The following IQCH variants were observed in gnomAD, a reference collection of about 807,000 sequenced individuals.
IQCH encodes the protein IQ motif containing H.
A neutral mutation model predicts 117.0 loss-of-function variants in IQCH; 98 were observed. The ratio of observed to expected loss-of-function variants is 0.84; its 90% CI spans 0.71 to 0.99. IQCH has a LOEUF of 0.99. IQCH is among the 50% of genes least tolerant of loss of function. The probability of loss-of-function intolerance (pLI) is 0.00; values close to 1 mark genes in which losing one functional copy is unlikely to be tolerated. For synonymous variants in IQCH, 412 were observed against 448.2 expected, an observed-to-expected ratio of 0.92 and a Z score of 1.02; for missense variants, 1,102 against 1,243.8, an observed-to-expected ratio of 0.89 and a Z score of 1.72.
Position 67,443,666 on chromosome 15 carries a change from T to C in IQCH, c.2506-21461T>C, listed in dbSNP as rs528453448. Reference sequence around the variant, plus strand: ...GCTTTTCCTTTTTTCTCTGCTGATATACAACTTCGCTTCCTTTGAAACATA... The same window carrying C: ...GCTTTTCCTTTTTTCTCTGCTGATACACAACTTCGCTTCCTTTGAAACATA... On this transcript the variant is annotated intron_variant, in intron 16 of 20. Coordinates refer to ENST00000335894, the MANE Select transcript of IQCH (RefSeq NM_001031715.3). This position sits in a 1 kb window ranked among gnomAD's most constrained non-coding sequence, Gnocchi z 5.0. Among the ~76,000 whole-genome samples, 6 of 152,370 alleles carry C rather than the reference T, an allele frequency of 3.9e-5. No individual in the cohort carries two copies. Among genetic ancestry groups the C allele is most frequent in the South Asian group, 2.1e-4 (1 of 4,826 alleles).
chr15:67,490,972 G>A lies in IQCH; in HGVS notation c.2861+908G>A, dbSNP rs1409255797. 6.6e-6 allele frequency among the ~76,000 whole-genome samples: 1 copy of A among 152,120 alleles called. No homozygotes were observed. The highest frequency in any genetic ancestry group is 2.4e-5 in the African/African-American group (1 of 41,400). On this transcript the variant is annotated intron_variant, in intron 19 of 20. Coordinates refer to ENST00000335894, the MANE Select transcript of IQCH (RefSeq NM_001031715.3). The surrounding 1 kb of genome is among the most constrained non-coding windows in gnomAD (Gnocchi z 4.9). ...TGAGTCATCTCTTATTTCATATCTTGGCACATGGTTACTTGGTACCTTTAA... is the reference window on the plus strand; with the variant it reads ...TGAGTCATCTCTTATTTCATATCTTAGCACATGGTTACTTGGTACCTTTAA...
At chr15:67,482,572 CTGATATTG>C (rs1384289878) in intron 18 of IQCH, among the ~76,000 whole-genome samples, 2 of 152,126 alleles carry the variant, frequency 1.3e-5, no homozygotes, top group Non-Finnish European at 2.9e-5. Flanking sequence ...CATTTTCATT[CTGATATTG>C]TAAATGAGGA....
chr15:67,312,301 A>G (rs1212610630), intron 4 of IQCH, among the ~76,000 whole-genome samples: 5 of 152,116 alleles, frequency 3.3e-5, no homozygotes, highest in Non-Finnish European at 7.4e-5. Flanking sequence ...TCAGTATAAT[A>G]GGTTCCCATG....
Position 67,399,788 on chromosome 15 carries a change from G to T in IQCH, c.1906-326G>T, listed in dbSNP as rs560900335. 2.0e-5 allele frequency among the ~76,000 whole-genome samples: 3 copies of T among 152,242 alleles called. No individual in the cohort carries two copies. In the East Asian group the frequency reaches 5.8e-4, roughly 29 times the overall value. ...AGTAAATGCATAATTCTCTGAAAAA[G>T]AAAGAAAACAATATCAAGATTCAAT... On this transcript the variant is annotated intron_variant, in intron 13 of 20. Coordinates refer to ENST00000335894, the MANE Select transcript of IQCH (RefSeq NM_001031715.3).
chr15:67,269,618 A>T (rs1264400781), intron 3 of IQCH, among the ~76,000 whole-genome samples: 3 of 151,920 alleles, frequency 2.0e-5, no homozygotes, highest in African/African-American at 7.3e-5. Context: ...CCCATTAATC[A>T]ACCTCTCTTC....
chr15:67,352,189 A>G (rs1384148961), intron 6 of IQCH, among the ~76,000 whole-genome samples: 2 of 152,168 alleles, frequency 1.3e-5, no homozygotes, highest in African/African-American at 2.4e-5. Flanking sequence ...TACTTATCAA[A>G]GTCTAAAGTT....
At chr15:67,327,365 A>C (rs115304154) in intron 4 of IQCH, among the ~76,000 whole-genome samples, 2 of 152,176 alleles carry the variant, frequency 1.3e-5, no homozygotes, top group Non-Finnish European at 2.9e-5. Context: ...TGGACATGCA[A>C]TGTCTGAATA....
chr15:67,460,317 G>T (rs752567893), intron 16 of IQCH, among the ~76,000 whole-genome samples: 55 of 152,216 alleles, frequency 3.6e-4, no homozygotes, highest in Admixed American at 4.6e-4. Flanking sequence ...GTTAACACTG[G>T]CTGGTAACAT....
rs547115194 is a variant in IQCH at position 67,277,506 on chromosome 15, G to A, written c.270-1889G>A. Among the ~76,000 whole-genome samples the A allele has an allele frequency of 2.7e-5, 4 of 150,686 alleles. No homozygotes were observed. The South Asian group carries it at 8.4e-4, about 32-fold the overall frequency. On this transcript the variant is annotated intron_variant, in intron 3 of 20. Transcript: ENST00000335894. ...TGTTTACTGTTTGCTATTAATGTTG[G>A]CATCTGAGAGTTTCCTCCAGTATCT...
intron 4 of IQCH, among the ~76,000 whole-genome samples, chr15:67,287,581 T>A (rs1267944864): frequency 6.6e-6 from 1 of 151,464 alleles, no homozygotes. Context: ...AAGCCACTAA[T>A]GATCTTTTGA....
intron 4 of IQCH, among the ~76,000 whole-genome samples, chr15:67,297,301 T>A (rs1167437700): frequency 6.6e-6 from 1 of 152,218 alleles, no homozygotes; most frequent in East Asian, 1.9e-4. Flanking sequence ...CAAAAATCCA[T>A]ATAGCCATCT....
At chr15:67,349,361 G>A (rs1453473830) in intron 6 of IQCH, among the ~76,000 whole-genome samples, 2 of 152,208 alleles carry the variant, frequency 1.3e-5, no homozygotes, top group African/African-American at 4.8e-5. Context: ...GCTTATGCCT[G>A]TAATCCCACC....
Position 67,427,407 on chromosome 15 carries a change from G to A in IQCH, c.2505+5830G>A, listed in dbSNP as rs185055827. On this transcript the variant is annotated intron_variant, in intron 16 of 20. Transcript: ENST00000335894. The surrounding 1 kb of genome is among the most constrained non-coding windows in gnomAD (Gnocchi z 4.7). ...TCTTTTCTTTTTTTTGTAGAGATAG[G>A]GTCTCACTATGTTGCCCAGGCTGGT... Among the ~76,000 whole-genome samples, 115 of 152,012 alleles carry A rather than the reference G, an allele frequency of 7.6e-4. No individual in the cohort carries two copies. The highest frequency in any genetic ancestry group is 2.7e-3 in the African/African-American group (110 of 41,472).
At chr15:67,371,901 A>C (rs1234889080) in intron 8 of IQCH, among the ~76,000 whole-genome samples, 1 of 152,188 alleles carries the variant, frequency 6.6e-6, no homozygotes, top group African/African-American at 2.4e-5. Flanking sequence ...AATAGATTTG[A>C]GTGATCTCTA....
In IQCH at chr15:67,494,492, G is replaced by A; in HGVS notation, c.2970+126G>A. On this transcript the variant is annotated intron_variant, in intron 20 of 20. Transcript: ENST00000335894. The surrounding 1 kb of genome is among the most constrained non-coding windows in gnomAD (Gnocchi z 5.5). ...TTGTAAGCAGTACATATTTTACAGT[G>A]TGCAGGGTCAATACTGTAAGGTTCC... 1.7e-6 allele frequency: 1 copy of A among 584,536 alleles called. No homozygotes were observed. The highest frequency in any genetic ancestry group is 2.9e-6 in the Non-Finnish European group (1 of 340,698). The allele number at this position is 584,536 out of a possible 1,614,324, so 36.2% of individuals were successfully genotyped here. A position where few individuals can be genotyped will look rare whatever the true frequency, so the allele number is the denominator to read the frequency against.
chr15:67,395,655 C>A lies in IQCH; in HGVS notation c.1905+92C>A. On this transcript the variant is annotated intron_variant, in intron 13 of 20. Transcript: ENST00000335894. This position sits in a 1 kb window ranked among gnomAD's most constrained non-coding sequence, Gnocchi z 4.0. The stretch of plus-strand genomic sequence containing the variant: ...TCCAAGTCTTCTGGAGCCAGACCTA[C>A]CCAATGAAGAATAGGTGGAATATTT... 2.7e-6 allele frequency: 3 copies of A among 1,097,602 alleles called. No homozygotes were observed. The highest frequency in any genetic ancestry group is 2.7e-6 in the Non-Finnish European group (2 of 754,450). The allele number at this position is 1,097,602 out of a possible 1,614,324, so 68.0% of individuals were successfully genotyped here.
In IQCH at chr15:67,472,098, G is replaced by C. The variant is rs1257515590; in HGVS notation, c.2677-3598G>C. On this transcript the variant is annotated intron_variant, in intron 17 of 20. Coordinates refer to ENST00000335894, the MANE Select transcript of IQCH (RefSeq NM_001031715.3). The surrounding 1 kb of genome is among the most constrained non-coding windows in gnomAD (Gnocchi z 4.3). ...CTCAGCTTGCTGCCAGAGTTCTCAG[G>C]GGAAATGACCATGGACTGACAGGGA... Among the ~76,000 whole-genome samples the C allele has an allele frequency of 1.3e-5, 2 of 152,178 alleles. No individual in the cohort carries two copies. Among genetic ancestry groups the C allele is most frequent in the Admixed American group, 6.5e-5 (1 of 15,280 alleles).
At chr15:67,330,760 T>C (rs530648454) in intron 4 of IQCH, among the ~76,000 whole-genome samples, 1 of 152,366 alleles carries the variant, frequency 6.6e-6, no homozygotes, top group African/African-American at 2.4e-5. Context: ...TTGGCTATTT[T>C]TCCTTTCTGC....
Position 67,416,550 on chromosome 15 carries a change from A to C in IQCH, c.2098-381A>C, listed in dbSNP as rs1011391918. On this transcript the variant is annotated intron_variant, in intron 14 of 20. Transcript: ENST00000335894. This position sits in a 1 kb window ranked among gnomAD's most constrained non-coding sequence, Gnocchi z 5.1. ...AAAAGAAAAAACAAAAAACAAAAACAAAAAAAACAGTTAACCCCACATTTT... is the reference window on the plus strand; with the variant it reads ...AAAAGAAAAAACAAAAAACAAAAACCAAAAAAACAGTTAACCCCACATTTT... Among the ~76,000 whole-genome samples, 14 of 150,910 alleles carry C rather than the reference A, an allele frequency of 9.3e-5. No homozygotes were observed. Among genetic ancestry groups the C allele is most frequent in the African/African-American group, 3.2e-4 (13 of 41,194 alleles).
Sources: gnomAD v4.1 joint callset for allele counts (sites outside exome capture counted in the v4.1 genomes callset) on GRCh38, gnomAD v4.1.1 for gene constraint, Gnocchi (gnomAD v3.1) non-coding constraint, MANE v1.5 for transcripts, NCBI Gene and HGNC (gene_info 2026-07-23, HGNC 2026-07-21) for gene names.